The following CDKL5 variants were observed in gnomAD, a reference collection of about 807,000 sequenced individuals.
CDKL5 encodes the protein cyclin dependent kinase like 5, also known as cyclin-dependent kinase-like 5.
In CDKL5, 8 loss-of-function variants were observed where a neutral mutation model predicts 61.7. That is an observed-to-expected ratio of 0.13 (90% CI 0.08 to 0.23). The LOEUF (loss-of-function observed/expected upper bound fraction) is 0.23, where lower values mean the gene tolerates loss of function less well. Among genes scored for constraint, CDKL5 ranks in the 10% least tolerant of loss-of-function variants. The probability of loss-of-function intolerance (pLI) is 1.00; values close to 1 mark genes in which losing one functional copy is unlikely to be tolerated. For synonymous variants in CDKL5, 275 were observed against 272.3 expected (o/e 1.01, Z -0.10); for missense variants, 440 against 734.5 (o/e 0.60, Z 4.63).
intron 1 of CDKL5, among the ~76,000 whole-genome samples, chrX:18,483,637 G>A: frequency 9.1e-6 from 1 of 109,424 alleles, no homozygotes; most frequent in Non-Finnish European, 1.9e-5. Flanking sequence ...GGCCTGGCTG[G>A]TCTTGAACTC....
At chrX:18,483,580 C>A (rs1049359033) in intron 1 of CDKL5, among the ~76,000 whole-genome samples, 1 of 109,712 alleles carries the variant, frequency 9.1e-6, no homozygotes, top group African/African-American at 3.3e-5. Flanking sequence ...CCACACCTGG[C>A]TAATTTTTTT....
intron 1 of CDKL5, among the ~76,000 whole-genome samples, chrX:18,436,897 C>CAAAAA (rs60845430): frequency 1.4e-3 from 22 of 15,646 alleles, no homozygotes; most frequent in Non-Finnish European, 1.8e-3. Context: ...ACTCTTGACT[C>CAAAAA]AAAAAAAAAA....
intron 3 of CDKL5, among the ~76,000 whole-genome samples, chrX:18,524,476 A>G (rs1923360072): frequency 8.9e-6 from 1 of 111,815 alleles, no homozygotes; most frequent in Admixed American, 9.5e-5. Context: ...AGAGTCCTAG[A>G]TTTCCCAGTT....
intron 3 of CDKL5, among the ~76,000 whole-genome samples, chrX:18,540,579 A>T (rs1024471636): frequency 9.0e-6 from 1 of 111,123 alleles, no homozygotes; most frequent in Non-Finnish European, 1.9e-5. Context: ...GATTGTCTTT[A>T]TTTCTCTTTC....
chrX:18,509,197 G>GCGCACACACA lies in CDKL5; in HGVS notation c.65-1622_65-1621insGCACACACAC, dbSNP rs1555940193. Among the ~76,000 whole-genome samples the GCGCACACACA allele has an allele frequency of 2.5e-4, 16 of 64,308 alleles. 1 individual carries two copies. Among genetic ancestry groups the GCGCACACACA allele is most frequent in the East Asian group, 1.4e-3 (2 of 1,453 alleles). 55.8% of individuals were successfully genotyped at this position (64,308 alleles called of 115,157 possible). A position where few individuals can be genotyped will look rare whatever the true frequency, so the allele number is the denominator to read the frequency against. On this transcript the variant is annotated intron_variant, in intron 2 of 17. Coordinates refer to ENST00000623535, the MANE Select transcript of CDKL5 (RefSeq NM_001323289.2). The stretch of plus-strand genomic sequence containing the variant: ...AGAGAGCGAGACTGTCTCAAAACAC[G>GCGCACACACA]CACACACACACACACACACACACAC...
intron 1 of CDKL5, among the ~76,000 whole-genome samples, chrX:18,460,305 C>T (rs1335672183): frequency 9.1e-6 from 1 of 110,247 alleles, no homozygotes; most frequent in Non-Finnish European, 1.9e-5. Context: ...TTTTAAACAA[C>T]CAGGTCTTTT....
chrX:18,563,326 C>T (rs1344013937), intron 3 of CDKL5, among the ~76,000 whole-genome samples: 7 of 111,474 alleles, frequency 6.3e-5, no homozygotes, highest in Admixed American at 4.8e-4. Flanking sequence ...CTTTGTACTA[C>T]GTGGGATAAT....
At chrX:18,425,863 C>T (rs1931350952) in intron 1 of CDKL5, among the ~76,000 whole-genome samples, 168 bp downstream of exon 1, 1 of 112,975 alleles carries the variant, frequency 8.9e-6, no homozygotes, top group African/African-American at 3.2e-5. Flanking sequence ...GTGAGGACGT[C>T]CCAGCCCGGA....
intron 5 of CDKL5, 69 bp from the exon 6 acceptor site, chrX:18,579,779 G>T: frequency 9.7e-7 from 1 of 1,028,139 alleles, no homozygotes; most frequent in Non-Finnish European, 1.4e-6. Flanking sequence ...TAGATGCTTT[G>T]TAAAATTGTT....
At position 18,625,226 on chromosome X, in the gene CDKL5, G is replaced by T. The variant is rs1250683742; in HGVS notation, c.2475G>T (p.Lys825Asn). 2 of 1,209,241 alleles carry T rather than the reference G, an allele frequency of 1.7e-6. No individual in the cohort carries two copies. The change falls in exon 17 of 18, where the codon AAG becomes AAT. Residue 825 changes from lysine to asparagine, a missense_variant. Lys to Asn is a moderately conservative substitution (Grantham distance 94). Around this residue, in one of 2 missense-constraint regions of CDKL5, gnomAD observed 363 missense variants for 516.3 expected, o/e 0.70. Coordinates refer to ENST00000623535, the MANE Select transcript of CDKL5 (RefSeq NM_001323289.2). The stretch of plus-strand genomic sequence containing the variant: ...GACCAAAGGAGTGGCGCCCCGAGAA[G>T]ATCTCAGATCTGCAGACCCAAGTGA... ...SSRPKEWRPE[K>N]ISDLQTQSQP...
intron 1 of CDKL5, among the ~76,000 whole-genome samples, chrX:18,428,608 A>G (rs1316549561): frequency 8.9e-6 from 1 of 112,122 alleles, no homozygotes; most frequent in Admixed American, 9.6e-5. Context: ...AACATGAGGG[A>G]AATCTTTTAG....
At position 18,633,732 on chromosome X, in the gene CDKL5, C is replaced by T; in HGVS notation, c.*4975C>T. ...TTCTTTGTGAATTGAATGTACGATA[C>T]AAATGGTAGGCCTTCATGTGAGCCA... On this transcript the variant is annotated 3_prime_UTR_variant, in exon 18 of 18. Coordinates refer to ENST00000623535, the MANE Select transcript of CDKL5 (RefSeq NM_001323289.2). The T allele has an allele frequency of 1.3e-6, 1 of 752,902 alleles. No individual in the cohort carries two copies. The highest frequency in any genetic ancestry group is 2.3e-5 in the African/African-American group (1 of 43,538). The allele number at this position is 752,902 out of a possible 1,213,427, so 62.0% of individuals were successfully genotyped here.
intron 3 of CDKL5, among the ~76,000 whole-genome samples, chrX:18,521,582 G>A (rs926917143): frequency 1.8e-5 from 2 of 111,983 alleles, no homozygotes; most frequent in East Asian, 2.8e-4. Flanking sequence ...TATTTAAGGC[G>A]TACAAGTACA....
In CDKL5 at chrX:18,595,350, T is replaced by C. The variant is rs1249923057; in HGVS notation, c.747T>C (p.Phe249=). Residue 249 remains phenylalanine (F), a splice_region_variant and synonymous_variant, in exon 10 of 18, where the codon TTT becomes TTC. Transcript: ENST00000623535. The part of the protein sequence containing the change: ...YSNPRFHGLR[F]PAVNHPQSLE... ...TTCCCTTTGTGTATGTCTCACAGTT[T>C]CCAGCTGTTAACCATCCTCAGTCCT... is the stretch of plus-strand genomic sequence containing the variant. 79 of 1,180,695 alleles carry C rather than the reference T, an allele frequency of 6.7e-5. 2 individuals are homozygous for C. Among genetic ancestry groups the C allele is most frequent in the Non-Finnish European group, 8.5e-5 (74 of 868,288 alleles).
intron 20 of CDKL5, chrX:18,647,571 A>G (rs1411709306): frequency 2.5e-6 from 1 of 404,769 alleles, no homozygotes; most frequent in Non-Finnish European, 4.3e-6. Context: ...TTGTAAAAGC[A>G]GAGGGAAGTG....
In CDKL5 at chrX:18,631,316, G is replaced by C. The variant is rs978426439; in HGVS notation, c.*2559G>C. 1.3e-5 allele frequency: 10 copies of C among 752,256 alleles called. No individual in the cohort carries two copies. In the African/African-American group the frequency reaches 2.3e-4, roughly 17 times the overall value. The allele number at this position is 752,256 out of a possible 1,213,427, so 62.0% of individuals were successfully genotyped here. A position where few individuals can be genotyped will look rare whatever the true frequency, so the allele number is the denominator to read the frequency against. ...GTTTTCAACCAGTGTTTTCGAGGTAGCTCTTTAATCCTCTTCTCAGCTTTT... is the reference window on the plus strand; with the variant it reads ...GTTTTCAACCAGTGTTTTCGAGGTACCTCTTTAATCCTCTTCTCAGCTTTT... On this transcript the variant is annotated 3_prime_UTR_variant, in exon 18 of 18. Transcript: ENST00000623535.
chrX:18,590,958 C>T (rs1233519993), intron 9 of CDKL5, among the ~76,000 whole-genome samples: 2 of 111,465 alleles, frequency 1.8e-5, no homozygotes, highest in Non-Finnish European at 3.8e-5. Context: ...TCTCCAGATT[C>T]TCAGCACACT....
At chrX:18,508,802 A>G (rs1158858091) in intron 2 of CDKL5, among the ~76,000 whole-genome samples, 1 of 110,468 alleles carries the variant, frequency 9.1e-6, no homozygotes, top group Non-Finnish European at 1.9e-5. Context: ...TATAAAGTAT[A>G]TAACAATCTG....
At chrX:18,543,073 G>T (rs1452561362) in intron 3 of CDKL5, among the ~76,000 whole-genome samples, 1 of 110,974 alleles carries the variant, frequency 9.0e-6, no homozygotes, top group African/African-American at 3.3e-5. Flanking sequence ...AGTGCCGCCT[G>T]CTTTCTCGGG....
Sources: gnomAD v4.1 joint callset for allele counts (sites outside exome capture counted in the v4.1 genomes callset) on GRCh38, gnomAD v4.1.1 for gene constraint, gnomAD v4.1.1 regional missense constraint, MANE v1.5 for transcripts, NCBI Gene and HGNC (gene_info 2026-07-23, HGNC 2026-07-21) for gene names.